The following NBEAL1 variants were observed in gnomAD, a reference collection of about 807,000 sequenced individuals.
The protein encoded by NBEAL1 is neurobeachin like 1.
NBEAL1 carries 273 observed loss-of-function variants against 351.3 expected under a neutral mutation model. The ratio of observed to expected loss-of-function variants is 0.78; its 90% CI spans 0.70 to 0.86. The LOEUF is 0.86. NBEAL1 is among the 40% of genes least tolerant of loss of function. The pLI is 0.00. For synonymous variants in NBEAL1, 1,050 were observed against 1,086.4 expected, an observed-to-expected ratio of 0.97 and a Z score of 0.66; for missense variants, 2,961 against 3,201.3, an observed-to-expected ratio of 0.92 and a Z score of 1.81.
In NBEAL1 at chr2:203,144,791, C is replaced by T. The variant is rs376268389; in HGVS notation, c.5040C>T (p.Leu1680=). 3 of 1,614,100 alleles carry T rather than the reference C, an allele frequency of 1.9e-6. No homozygotes were observed. Among genetic ancestry groups the T allele is most frequent in the South Asian group, 2.2e-5 (2 of 91,088 alleles). The change falls in exon 32 of 56, where the codon CTC becomes CTT. Residue 1680 remains leucine, a synonymous_variant. Transcript: ENST00000683969. ...TGGTTTCCAAAATTTATGAGCTTCTCTTCATGAACTTGCACCTACCTTCTT... is the reference window on the plus strand; with the variant it reads ...TGGTTTCCAAAATTTATGAGCTTCTTTTCATGAACTTGCACCTACCTTCTT... ...RTLVSKIYEL[L]FMNLHLPSLP...
intron 55 of NBEAL1, among the ~76,000 whole-genome samples, chr2:203,216,177 A>G (rs2065893186): frequency 6.6e-6 from 1 of 152,206 alleles, no homozygotes; most frequent in Admixed American, 6.5e-5. Flanking sequence ...AATATTTATT[A>G]TACACTGGGA....
At chr2:203,151,351 A>C in intron 34 of NBEAL1, 114 bp from the exon 35 acceptor site, 1 of 719,250 alleles carries the variant, frequency 1.4e-6, no homozygotes, top group South Asian at 2.4e-5. Flanking sequence ...AAAATAAAAT[A>C]AAATGGTACT....
chr2:203,115,568 A>G (rs993137319), intron 17 of NBEAL1, among the ~76,000 whole-genome samples: 1 of 151,932 alleles, frequency 6.6e-6, no homozygotes, highest in African/African-American at 2.4e-5. Flanking sequence ...AGCTGAGACT[A>G]CAGGCACATG....
intron 24 of NBEAL1, among the ~76,000 whole-genome samples, chr2:203,128,926 T>C (rs1441639607): frequency 2.6e-5 from 4 of 152,208 alleles, no homozygotes; most frequent in Admixed American, 2.0e-4. Context: ...CCTAGGTTAA[T>C]AAAATATTAC....
At chr2:203,199,907 T>G (rs1192441446) in intron 49 of NBEAL1, among the ~76,000 whole-genome samples, 1 of 152,196 alleles carries the variant, frequency 6.6e-6, no homozygotes, top group Non-Finnish European at 1.5e-5. Flanking sequence ...TTCCATAATA[T>G]GAGTTATAGA....
chr2:203,164,042 C>G (rs1315158696), intron 36 of NBEAL1, among the ~76,000 whole-genome samples: 2 of 151,876 alleles, frequency 1.3e-5, no homozygotes, highest in African/African-American at 4.8e-5. Context: ...CATATTTTTA[C>G]TCAGTCTGTT....
chr2:203,079,489 G>GT (rs1439520698), intron 8 of NBEAL1, among the ~76,000 whole-genome samples: 2 of 152,006 alleles, frequency 1.3e-5, no homozygotes, highest in Non-Finnish European at 2.9e-5. Flanking sequence ...AAGATATCTG[G>GT]TTTTTTCCAT....
intron 44 of NBEAL1, among the ~76,000 whole-genome samples, chr2:203,184,435 A>G (rs2064834392): frequency 6.6e-6 from 1 of 152,176 alleles, no homozygotes; most frequent in Admixed American, 6.5e-5. Context: ...CATCTCAAAA[A>G]TAAATAAATA....
chr2:203,025,061 A>C (rs1208431954), intron 2 of NBEAL1, among the ~76,000 whole-genome samples: 1 of 152,274 alleles, frequency 6.6e-6, no homozygotes, highest in East Asian at 1.9e-4. Flanking sequence ...CTTTGTACTA[A>C]CCTGGCCAAG....
intron 46 of NBEAL1, chr2:203,190,936 T>C (rs2065059122): frequency 3.7e-6 from 6 of 1,610,396 alleles, no homozygotes; most frequent in Non-Finnish European, 8.5e-7. Flanking sequence ...AACGGGTGAC[T>C]GGAAGGGCCT....
chr2:203,173,972 G>A (rs1464631241), intron 41 of NBEAL1, among the ~76,000 whole-genome samples: 1 of 151,722 alleles, frequency 6.6e-6, no homozygotes, highest in Non-Finnish European at 1.5e-5. Flanking sequence ...TTTTATACAC[G>A]CTAATTCAGA....
intron 24 of NBEAL1, among the ~76,000 whole-genome samples, chr2:203,130,010 A>G (rs2063037374): frequency 6.6e-6 from 1 of 152,144 alleles, no homozygotes; most frequent in Non-Finnish European, 1.5e-5. Flanking sequence ...AGAAATACAG[A>G]AAATCAGCCA....
At chr2:203,128,050 T>C in intron 24 of NBEAL1, 113 bp downstream of exon 24, 2 of 783,422 alleles carry the variant, frequency 2.6e-6, no homozygotes, top group Non-Finnish European at 4.1e-6. Flanking sequence ...ATATGTGTAG[T>C]GTCACATTCA....
chr2:203,113,287 A>G lies in NBEAL1; in HGVS notation c.2475A>G (p.Gln825=), dbSNP rs747895564. The change falls in exon 17 of 56, where the codon CAA becomes CAG. Residue 825 remains glutamine (Q), a synonymous_variant. Coordinates refer to ENST00000683969, the MANE Select transcript of NBEAL1 (RefSeq NM_001378026.1). The stretch of plus-strand genomic sequence containing the variant: ...TTATCATCTTTTATGAACCACTACA[A>G]CCTCCTCAGGTGAAGGCATTATATT... The part of the protein sequence containing the change: ...GSVIIFYEPL[Q]PPQVKALYLA... 10 of 1,448,874 alleles carry G rather than the reference A, an allele frequency of 6.9e-6. No individual in the cohort carries two copies. Among genetic ancestry groups the G allele is most frequent in the Non-Finnish European group, 9.1e-6 (10 of 1,097,932 alleles). 89.8% of individuals were successfully genotyped at this position (1,448,874 alleles called of 1,614,324 possible).
rs1179738390 is a variant in NBEAL1, at chr2:203,113,042, G to T, written c.2230G>T (p.Ala744Ser). The T allele has an allele frequency of 6.6e-7, 1 of 1,512,986 alleles. No individual in the cohort carries two copies. 93.7% of individuals were successfully genotyped at this position (1,512,986 alleles called of 1,614,324 possible). Reference protein sequence around the residue: ...EPFTSCCIGSAGQRTTTPPPS... With the variant: ...EPFTSCCIGSSGQRTTTPPPS... ...CTTTACTTCCTGTTGCATTGGTTCA[G>T]CTGGGCAAAGAACCACCACTCCTCC... The change falls in exon 17 of 56, where the codon GCT becomes TCT. Residue 744 changes from alanine (A) to serine (S), a missense_variant. Ala to Ser is a moderately conservative substitution (Grantham distance 99). Coordinates refer to ENST00000683969, the MANE Select transcript of NBEAL1 (RefSeq NM_001378026.1).
chr2:203,081,196 TAA>T (rs1354005312), intron 8 of NBEAL1, among the ~76,000 whole-genome samples: 1 of 152,216 alleles, frequency 6.6e-6, no homozygotes, highest in African/African-American at 2.4e-5. Flanking sequence ...GGTCATGTCA[TAA>T]AGGTCAGAAA....
At chr2:203,015,442 A>T (rs1046746484) in intron 1 of NBEAL1, among the ~76,000 whole-genome samples, 1 of 148,126 alleles carries the variant, frequency 6.8e-6, no homozygotes, top group African/African-American at 2.5e-5. Context: ...CCTGCAACAC[A>T]GCAAACAGTC....
rs769573903 is a variant in NBEAL1 at position 203,108,001 on chromosome 2, C to T, written c.1762C>T (p.Arg588Ter). 39 of 1,554,240 alleles carry T rather than the reference C, an allele frequency of 2.5e-5. No homozygotes were observed. Among genetic ancestry groups the T allele is most frequent in the Non-Finnish European group, 3.3e-5 (38 of 1,147,890 alleles). ...GACTCGAGCAATCCTGACAATGGCC[C>T]GAAAACTAAGTCTAGAGAGTGCCCT... Reference protein sequence around the residue: ...PVTRAILTMARKLSLESALQY... With the variant: ...PVTRAILTMA Residue 588 changes from arginine (R) to a stop codon, truncating the protein, a stop_gained, in exon 14 of 56, where the codon CGA becomes TGA. Transcript: ENST00000683969. LOFTEE classifies it high-confidence loss of function.
At chr2:203,060,507 A>G (rs1423229961) in intron 6 of NBEAL1, among the ~76,000 whole-genome samples, 5 of 152,160 alleles carry the variant, frequency 3.3e-5, no homozygotes, top group Non-Finnish European at 7.4e-5. Flanking sequence ...AATTAAAATT[A>G]CCTCCGTATA....
Sources: allele counts gnomAD v4.1 joint callset (sites outside exome capture counted in the v4.1 genomes callset), GRCh38; gene constraint gnomAD v4.1.1; transcripts MANE v1.5; gene names NCBI Gene and HGNC (gene_info 2026-07-23, HGNC 2026-07-21).